The following KIAA0319 variants were observed in gnomAD, a reference collection of about 807,000 sequenced individuals.
The protein encoded by KIAA0319 is dyslexia-associated protein KIAA0319.
In KIAA0319, 83 loss-of-function variants were observed where a neutral mutation model predicts 108.4. The ratio of observed to expected loss-of-function variants is 0.77; its 90% CI spans 0.64 to 0.92. The LOEUF (loss-of-function observed/expected upper bound fraction) is 0.92, where lower values mean the gene tolerates loss of function less well. KIAA0319 is among the 40% of genes least tolerant of loss of function. KIAA0319 has a pLI of 0.00. For missense variants in KIAA0319, 1,195 were observed against 1,322.4 expected (o/e 0.90, Z 1.49); for synonymous variants, 484 against 510.4 (o/e 0.95, Z 0.70).
intron 3 of KIAA0319, among the ~76,000 whole-genome samples, chr6:24,593,664 GT>G (rs1761580440): frequency 6.6e-6 from 1 of 151,118 alleles, no homozygotes; most frequent in Admixed American, 6.6e-5. Flanking sequence ...GCCTCCCAAA[GT>G]GCTGGGATTA....
intron 3 of KIAA0319, among the ~76,000 whole-genome samples, chr6:24,590,595 A>G (rs145881606): frequency 6.6e-6 from 1 of 152,248 alleles, no homozygotes; most frequent in Non-Finnish European, 1.5e-5. Context: ...CATAGGATGA[A>G]TTGAATTTTT....
At chr6:24,623,742 A>C (rs1023472906) in intron 1 of KIAA0319, among the ~76,000 whole-genome samples, 1 of 152,198 alleles carries the variant, frequency 6.6e-6, no homozygotes, top group Non-Finnish European at 1.5e-5. Flanking sequence ...AGTTAACAAT[A>C]ATTTATTGTG....
chr6:24,583,545 A>G, intron 5 of KIAA0319, 59 bp downstream of exon 5: 1 of 1,115,674 alleles, frequency 9.0e-7, no homozygotes, highest in Non-Finnish European at 1.4e-6. Flanking sequence ...GCCTGTAAGG[A>G]CCTGCTGAAG....
chr6:24,604,948 C>T (rs568433394), intron 1 of KIAA0319, among the ~76,000 whole-genome samples: 20 of 152,232 alleles, frequency 1.3e-4, no homozygotes, highest in African/African-American at 3.6e-4. Flanking sequence ...TCAAGCGATT[C>T]TCCTGCTTCA....
At position 24,565,009 on chromosome 6, in the gene KIAA0319, A is replaced by C. The variant is rs1313943684; in HGVS notation, c.2293-669T>G. On this transcript the variant is annotated intron_variant, in intron 14 of 20. Transcript: ENST00000378214. Reference sequence around the variant, plus strand: ...ACGCCTGTAATCCCACCACTTTGGGAGGCAAAGGCAGGCGGATCACGAGGT... The same window carrying C: ...ACGCCTGTAATCCCACCACTTTGGGCGGCAAAGGCAGGCGGATCACGAGGT... 2.0e-5 allele frequency among the ~76,000 whole-genome samples: 3 copies of C among 152,294 alleles called. No homozygotes were observed. In the East Asian group the frequency reaches 5.8e-4, roughly 29 times the overall value.
intron 18 of KIAA0319, among the ~76,000 whole-genome samples, chr6:24,556,142 C>T (rs1762255280): frequency 6.6e-6 from 1 of 151,856 alleles, no homozygotes; most frequent in Admixed American, 6.6e-5. Context: ...TATCTTTTCT[C>T]TTTTCTTTCC....
In KIAA0319 at chr6:24,599,035, A is replaced by G; in HGVS notation, c.55+2014T>C. 2 of 733,282 alleles carry G rather than the reference A, an allele frequency of 2.7e-6. No individual in the cohort carries two copies. The highest frequency in any genetic ancestry group is 2.9e-5 in the South Asian group (2 of 69,268). The allele number at this position is 733,282 out of a possible 1,614,324, so 45.4% of individuals were successfully genotyped here. On this transcript the variant is annotated intron_variant, in intron 2 of 20. Transcript: ENST00000378214. This position sits in a 1 kb window ranked among gnomAD's most constrained non-coding sequence, Gnocchi z 4.1. ...GAGATCAACTTCCTCAGGCAGCTGT[A>G]TGAAGAGGAGATCCAGGAGCTGCAG...
intron 1 of KIAA0319, among the ~76,000 whole-genome samples, chr6:24,608,299 C>G (rs1285943422): frequency 6.6e-6 from 1 of 151,814 alleles, no homozygotes; most frequent in Non-Finnish European, 1.5e-5. Flanking sequence ...TGGAGGAAAC[C>G]ATGAATAAAT....
At chr6:24,631,623 C>T (rs9295627) in intron 1 of KIAA0319, among the ~76,000 whole-genome samples, 47,041 of 152,060 alleles carry the variant, frequency 0.31, 8,991 homozygotes, top group East Asian at 0.69. Context: ...GAAGGTGAAA[C>T]CTTGAGTGTA....
chr6:24,645,840 T>TATAC lies in KIAA0319; in HGVS notation c.-211_-210insGTAT, dbSNP rs1777541549. On this transcript the variant is annotated 5_prime_UTR_variant, in exon 1 of 21. Transcript: ENST00000378214. ...TCCTCCTCGTCGTCATCGCAGGTCT[T>TATAC]ACACACACACACACACACACACACA... 1 of 140,280 alleles carries TATAC rather than the reference T, an allele frequency of 7.1e-6. No homozygotes were observed. Among genetic ancestry groups the TATAC allele is most frequent in the Non-Finnish European group, 1.5e-5 (1 of 64,888 alleles). 8.7% of individuals were successfully genotyped at this position (140,280 alleles called of 1,614,324 possible).
rs1472023123 is a variant in KIAA0319 at position 24,553,270 on chromosome 6, GATAGAT to G, written c.2948+1265_2948+1270del. On this transcript the variant is annotated intron_variant, in intron 19 of 20. Coordinates refer to ENST00000378214, the MANE Select transcript of KIAA0319 (RefSeq NM_014809.4). The stretch of plus-strand genomic sequence containing the variant: ...TGTAAGGCCACTTAGGTACTTGTGA[GATAGAT>G]ATATATATATATATATATACACACA... Among the ~76,000 whole-genome samples, 114 of 105,988 alleles carry G rather than the reference GATAGAT, an allele frequency of 1.1e-3. 6 individuals carry two copies. The highest frequency in any genetic ancestry group is 4.3e-3 in the African/African-American group (91 of 21,360). The allele number at this position is 105,988 out of a possible 152,430, so 69.5% of individuals were successfully genotyped here.
At chr6:24,642,176 G>C (rs980953150) in intron 1 of KIAA0319, among the ~76,000 whole-genome samples, 4 of 72,844 alleles carry the variant, frequency 5.5e-5, no homozygotes, top group Non-Finnish European at 8.2e-5. Flanking sequence ...GGAAGTAAGG[G>C]AAAGAAAGAA....
Position 24,544,122 on chromosome 6 carries a change from CTTTA to C in KIAA0319, c.*3039_*3042del, listed in dbSNP as rs1477225397. On this transcript the variant is annotated 3_prime_UTR_variant, in exon 21 of 21. Coordinates refer to ENST00000378214, the MANE Select transcript of KIAA0319 (RefSeq NM_014809.4). ...TGAATGTGGATATGTTCCAATAAAA[CTTTA>C]TTTATGAACACAAATCTGAATGTCA... 2 of 152,182 alleles carry C rather than the reference CTTTA, an allele frequency of 1.3e-5. No individual in the cohort carries two copies. The highest frequency in any genetic ancestry group is 6.5e-5 in the Admixed American group (1 of 15,286). 9.4% of individuals were successfully genotyped at this position (152,182 alleles called of 1,614,324 possible).
At chr6:24,554,119 G>A (rs751885150) in intron 19 of KIAA0319, among the ~76,000 whole-genome samples, 1 of 152,184 alleles carries the variant, frequency 6.6e-6, no homozygotes, top group Non-Finnish European at 1.5e-5. Flanking sequence ...GGGATCTGAC[G>A]CTATCTCCAG....
At chr6:24,594,869 C>T (rs945053653) in intron 3 of KIAA0319, among the ~76,000 whole-genome samples, 1 of 152,040 alleles carries the variant, frequency 6.6e-6, no homozygotes, top group African/African-American at 2.4e-5. Context: ...AACATGCTCA[C>T]CACATTCTCA....
At chr6:24,556,509 C>T (rs1001462245) in intron 18 of KIAA0319, 98 bp downstream of exon 18, 8 of 1,360,454 alleles carry the variant, frequency 5.9e-6, no homozygotes, top group Middle Eastern at 1.9e-4. Context: ...CACTATGTTG[C>T]CCAGGTTGGC....
In KIAA0319 at chr6:24,552,569, A is replaced by T. The variant is rs76085829; in HGVS notation, c.2949-1044T>A. 8.9e-3 allele frequency among the ~76,000 whole-genome samples: 1,348 copies of T among 152,316 alleles called. 30 individuals carry two copies. The highest frequency in any genetic ancestry group is 0.03 in the African/African-American group (1,250 of 41,558). ...GAACGTAATCACAAATAAAACCAAA[A>T]TAATCTATAAGTGATTTCTGAAAAA... On this transcript the variant is annotated intron_variant, in intron 19 of 20. Transcript: ENST00000378214.
At chr6:24,600,632 G>T (rs1236671736) in intron 2 of KIAA0319, 2 of 1,529,802 alleles carry the variant, frequency 1.3e-6, no homozygotes, top group Admixed American at 3.9e-5. Flanking sequence ...GGCTCGGCCA[G>T]CCCAGTCTAG....
chr6:24,556,179 C>T (rs1473594799), intron 18 of KIAA0319, among the ~76,000 whole-genome samples: 1 of 151,074 alleles, frequency 6.6e-6, no homozygotes, highest in Non-Finnish European at 1.5e-5. Flanking sequence ...CCTCCCCTCC[C>T]CTCCTCTGCC....
Sources: allele counts gnomAD v4.1 joint callset (sites outside exome capture counted in the v4.1 genomes callset), GRCh38; gene constraint gnomAD v4.1.1; non-coding constraint Gnocchi (gnomAD v3.1); transcripts MANE v1.5; gene names NCBI Gene and HGNC (gene_info 2026-07-23, HGNC 2026-07-21).